ZNF679: variants seen among roughly 807,000 people sequenced by gnomAD.
ZNF679 encodes zinc finger protein 679.
A neutral mutation model predicts 13.4 loss-of-function variants in ZNF679; 10 were observed. That is an observed-to-expected ratio of 0.75 (90% CI 0.46 to 1.27). The LOEUF (loss-of-function observed/expected upper bound fraction) is 1.27, where lower values mean the gene tolerates loss of function less well. Among genes scored for constraint, ZNF679 ranks in the 50% most tolerant of loss-of-function variants. The probability of loss-of-function intolerance (pLI) is 0.00; values close to 1 mark genes in which losing one functional copy is unlikely to be tolerated. For missense variants in ZNF679, 525 were observed against 477.8 expected (o/e 1.10, Z -0.92); for synonymous variants, 179 against 162.5 (o/e 1.10, Z -0.77).
rs550233697 is a variant in ZNF679 at position 64,265,975 on chromosome 7, A to T, written c.342A>T (p.Arg114Ser). 28 of 1,613,898 alleles carry T rather than the reference A, an allele frequency of 1.7e-5. No homozygotes were observed. The East Asian group carries it at 5.4e-4, about 31-fold the overall frequency. ...CACTCCAAAAAGTAATACCAAGAAGATATGGAAAAAGTGGACATGACAATT... is the reference window on the plus strand; with the variant it reads ...CACTCCAAAAAGTAATACCAAGAAGTTATGGAAAAAGTGGACATGACAATT... Reference protein sequence around the residue: ...KDSLQKVIPRRYGKSGHDNLQ... With the variant: ...KDSLQKVIPRSYGKSGHDNLQ... Residue 114 changes from arginine (R) to serine (S), a missense_variant, in exon 5 of 5, where the codon AGA becomes AGT. Transcript: ENST00000421025.
intron 1 of ZNF679, among the ~76,000 whole-genome samples, chr7:64,235,943 A>G (rs1234261089): frequency 6.6e-6 from 1 of 152,286 alleles, no homozygotes; most frequent in South Asian, 2.1e-4. Flanking sequence ...TACATATAAA[A>G]TGTATCTAAA....
At chr7:64,244,290 C>T (rs79824488) in intron 1 of ZNF679, among the ~76,000 whole-genome samples, 212 of 152,164 alleles carry the variant, frequency 1.4e-3, no homozygotes, top group African/African-American at 4.5e-3. Flanking sequence ...TGACTTTTAA[C>T]TGTGATGCTC....
At chr7:64,232,547 C>T (rs1002762049) in intron 1 of ZNF679, among the ~76,000 whole-genome samples, 5 of 152,156 alleles carry the variant, frequency 3.3e-5, no homozygotes, top group African/African-American at 4.8e-5. Context: ...TGGTTCTGTG[C>T]CAGGGATATG....
Position 64,260,203 on chromosome 7 carries a change from GTTGTTA to G in ZNF679, c.40-12_40-7del. On this transcript the variant is annotated splice_polypyrimidine_tract_variant and intron_variant, in intron 2 of 4. Coordinates refer to ENST00000421025, the MANE Select transcript of ZNF679 (RefSeq NM_153363.3). ...GTGTGTTCATGAGTGTTTTTTTGTT[GTTGTTA>G]TTGTTTTTCAGGGACTGTTGACATT... 6.3e-7 allele frequency: 1 copy of G among 1,583,820 alleles called. No individual in the cohort carries two copies. Among genetic ancestry groups the G allele is most frequent in the Non-Finnish European group, 8.5e-7 (1 of 1,169,624 alleles).
At chr7:64,246,521 G>A (rs1787872061) in intron 1 of ZNF679, among the ~76,000 whole-genome samples, 1 of 152,090 alleles carries the variant, frequency 6.6e-6, no homozygotes, top group Non-Finnish European at 1.5e-5. Flanking sequence ...TCAGGAGTTT[G>A]AGATCAATCT....
intron 2 of ZNF679, 79 bp downstream of exon 2, chr7:64,249,235 A>T (rs565328516): frequency 1.7e-5 from 28 of 1,612,200 alleles, no homozygotes; most frequent in South Asian, 4.4e-5. Context: ...GCAGGACCCA[A>T]ACTTCCTCGC....
chr7:64,257,442 TTAA>T (rs567215021), intron 2 of ZNF679, among the ~76,000 whole-genome samples: 106 of 152,320 alleles, frequency 7.0e-4, no homozygotes, highest in African/African-American at 2.5e-3. Context: ...CTTTTAAAAA[TTAA>T]TGATAGAGAA....
In ZNF679 at chr7:64,248,995, T is replaced by G. The variant is rs1034069868; in HGVS notation, c.-90-33T>G. 2.1e-6 allele frequency: 3 copies of G among 1,438,596 alleles called. No homozygotes were observed. In the African/African-American group the frequency reaches 4.3e-5, roughly 20 times the overall value. The allele number at this position is 1,438,596 out of a possible 1,614,324, so 89.1% of individuals were successfully genotyped here. A position where few individuals can be genotyped will look rare whatever the true frequency, so the allele number is the denominator to read the frequency against. ...TGGAGAGAACAGGATGCCTCCGTAA[T>G]TTTCCGGGTCCTTTGTGTTTCTCTG... On this transcript the variant is annotated intron_variant, in intron 1 of 4. Coordinates refer to ENST00000421025, the MANE Select transcript of ZNF679 (RefSeq NM_153363.3).
At chr7:64,236,262 CA>C (rs1416450622) in intron 1 of ZNF679, among the ~76,000 whole-genome samples, 5 of 150,638 alleles carry the variant, frequency 3.3e-5, no homozygotes, top group African/African-American at 1.2e-4. Flanking sequence ...GAGACTCTGT[CA>C]AAAAAAAGGA....
chr7:64,249,076 C>G lies in ZNF679; in HGVS notation c.-42C>G, dbSNP rs764673619. 1.9e-6 allele frequency: 3 copies of G among 1,613,604 alleles called. No individual in the cohort carries two copies. In the East Asian group the frequency reaches 6.7e-5, roughly 36 times the overall value. ...CTCTGCGTCCTCTGTTCCTAGAGGC[C>G]AAGCCACTGTGGCCTTGTGTTCTGC... is the stretch of plus-strand genomic sequence containing the variant. On this transcript the variant is annotated 5_prime_UTR_variant, in exon 2 of 5. Transcript: ENST00000421025.
chr7:64,262,017 T>C (rs530605735), intron 4 of ZNF679, among the ~76,000 whole-genome samples: 184 of 152,194 alleles, frequency 1.2e-3, no homozygotes, highest in Non-Finnish European at 1.8e-3. Flanking sequence ...CCACCATGCC[T>C]GGCTAATTTT....
intron 4 of ZNF679, 41 bp downstream of exon 4, chr7:64,260,970 T>G (rs1328358841): frequency 6.4e-7 from 1 of 1,574,536 alleles, no homozygotes; most frequent in East Asian, 2.3e-5. Context: ...AGATGAGAGG[T>G]GCAAAAGTCA....
chr7:64,245,498 G>A (rs967702959), intron 1 of ZNF679, among the ~76,000 whole-genome samples: 1 of 151,830 alleles, frequency 6.6e-6, no homozygotes, highest in African/African-American at 2.4e-5. Context: ...GGTAAGGCAG[G>A]AAAGTTGAGG....
chr7:64,231,872 G>A (rs1009713186), intron 1 of ZNF679, among the ~76,000 whole-genome samples: 15 of 152,336 alleles, frequency 9.8e-5, no homozygotes, highest in Admixed American at 5.9e-4. Context: ...AATCGCACTT[G>A]CAGAAAGATC....
chr7:64,236,737 C>T (rs913161204), intron 1 of ZNF679, among the ~76,000 whole-genome samples: 3 of 149,012 alleles, frequency 2.0e-5, no homozygotes, highest in African/African-American at 7.5e-5. Context: ...AGCCAAGATC[C>T]TGTCATTGCA....
chr7:64,251,357 G>C (rs1383226463), intron 2 of ZNF679, among the ~76,000 whole-genome samples: 2 of 152,016 alleles, frequency 1.3e-5, no homozygotes, highest in Non-Finnish European at 2.9e-5. Flanking sequence ...AGGAGGCTGA[G>C]ACAAGAAAAT....
chr7:64,258,466 G>A (rs1479980253), intron 2 of ZNF679, among the ~76,000 whole-genome samples: 1 of 152,042 alleles, frequency 6.6e-6, no homozygotes, highest in Non-Finnish European at 1.5e-5. Context: ...ACTTAGGGAG[G>A]CTGAAGCAGG....
chr7:64,233,103 T>C (rs1329316081), intron 1 of ZNF679, among the ~76,000 whole-genome samples: 2 of 151,164 alleles, frequency 1.3e-5, no homozygotes, highest in East Asian at 3.9e-4. Flanking sequence ...TAGCTGGGAG[T>C]GGTGGTATGC....
chr7:64,241,175 G>A (rs181838655), intron 1 of ZNF679, among the ~76,000 whole-genome samples: 1 of 152,280 alleles, frequency 6.6e-6, no homozygotes, highest in East Asian at 1.9e-4. Flanking sequence ...CAACGTGCAT[G>A]CAAGTCATAA....
Sources: allele counts gnomAD v4.1 joint callset (sites outside exome capture counted in the v4.1 genomes callset), GRCh38; gene constraint gnomAD v4.1.1; transcripts MANE v1.5; gene names NCBI Gene and HGNC (gene_info 2026-07-23, HGNC 2026-07-21).